ADGRL1: variants seen among roughly 807,000 people sequenced by gnomAD.
ADGRL1 encodes adhesion G protein-coupled receptor L1.
Under a neutral mutation model 148.9 loss-of-function variants are expected in ADGRL1, and 31 were observed. That is an observed-to-expected ratio of 0.21 (90% CI 0.16 to 0.28). ADGRL1 has a LOEUF of 0.28. Ranked by LOEUF, ADGRL1 falls within the 10% of genes least tolerant of loss-of-function variation. ADGRL1 has a pLI of 1.00. For synonymous variants in ADGRL1, 937 were observed against 900.3 expected (o/e 1.04, Z -0.73); for missense variants, 1,521 against 2,058.8 (o/e 0.74, Z 5.05).
In ADGRL1 at chr19:14,161,563, G is replaced by A. The variant is rs1201140786; in HGVS notation, c.1259C>T (p.Thr420Ile). Reference sequence around the variant, plus strand: ...CGGGGTGGTGGCTGCGGGCGAGGCTGTGCTGGTGAGGGGCGTGGGCCTGGC... The same window carrying A: ...CGGGGTGGTGGCTGCGGGCGAGGCTATGCTGGTGAGGGGCGTGGGCCTGGC... ...TTARPTPLTS[T>I]ASPAATTPLR... Residue 420 changes from threonine (T) to isoleucine (I), a missense_variant, in exon 6 of 23, where the codon ACA becomes ATA. Physicochemically the swap from Thr to Ile is moderately conservative, Grantham distance 89. Transcript: ENST00000361434. The surrounding 1 kb of genome is among the most constrained non-coding windows in gnomAD (Gnocchi z 4.4). 4 of 1,455,502 alleles carry A rather than the reference G, an allele frequency of 2.7e-6. No homozygotes were observed. The highest frequency in any genetic ancestry group is 2.8e-5 in the Admixed American group (1 of 36,316). The allele number at this position is 1,455,502 out of a possible 1,614,324, so 90.2% of individuals were successfully genotyped here. A position where few individuals can be genotyped will look rare whatever the true frequency, so the allele number is the denominator to read the frequency against.
chr19:14,151,694 G>A, intron 22 of ADGRL1, 79 bp from the exon 23 acceptor site: 2 of 1,356,152 alleles, frequency 1.5e-6, no homozygotes, highest in Non-Finnish European at 2.0e-6. Context: ...TGCGGTCCAT[G>A]TGGAGAAGTG....
rs200382429 is a variant in ADGRL1 at position 14,161,564 on chromosome 19, T to A, written c.1258A>T (p.Thr420Ser). The A allele has an allele frequency of 1.6e-4, 230 of 1,449,488 alleles. 2 individuals carry two copies. The East Asian group carries it at 4.5e-3, about 28-fold the overall frequency. 89.8% of individuals were successfully genotyped at this position (1,449,488 alleles called of 1,614,324 possible). The part of the protein sequence containing the change: ...TTARPTPLTS[T>S]ASPAATTPLR... ...GGGGTGGTGGCTGCGGGCGAGGCTG[T>A]GCTGGTGAGGGGCGTGGGCCTGGCT... The change falls in exon 6 of 23, where the codon ACA becomes TCA. Residue 420 changes from threonine to serine, a missense_variant. Thr to Ser is a moderately conservative substitution (Grantham distance 58). Around this residue, in one of 8 missense-constraint regions of ADGRL1, gnomAD observed 270 missense variants for 320.4 expected, o/e 0.84. Coordinates refer to ENST00000361434, the MANE Select transcript of ADGRL1 (RefSeq NM_014921.5). This position sits in a 1 kb window ranked among gnomAD's most constrained non-coding sequence, Gnocchi z 4.4.
In ADGRL1 at chr19:14,162,819, C is replaced by T. The variant is rs202048810; in HGVS notation, c.982G>A (p.Val328Met). Reference sequence around the variant, plus strand: ...CCAGCCGCCTCGCTGTCATCATCCACGTACACGGAACGCAGGACGTACAGG... The same window carrying T: ...CCAGCCGCCTCGCTGTCATCATCCATGTACACGGAACGCAGGACGTACAGG... ...GVLYVLRSVY[V>M]DDDSEAAGNR... is the part of the protein sequence containing the mutation. Residue 328 changes from valine (V) to methionine (M), a missense_variant, in exon 5 of 23, where the codon GTG becomes ATG. Physicochemically the swap from Val to Met is conservative, Grantham distance 21. Coordinates refer to ENST00000361434, the MANE Select transcript of ADGRL1 (RefSeq NM_014921.5). The surrounding 1 kb of genome is among the most constrained non-coding windows in gnomAD (Gnocchi z 5.4). The T allele has an allele frequency of 7.4e-6, 12 of 1,614,058 alleles. No homozygotes were observed. In the East Asian group the frequency reaches 2.5e-4, roughly 33 times the overall value.
intron 1 of ADGRL1, among the ~76,000 whole-genome samples, chr19:14,188,059 T>C (rs1363217016): frequency 6.6e-6 from 1 of 152,058 alleles, no homozygotes; most frequent in African/African-American, 2.4e-5. Context: ...ATCCTGCCAC[T>C]GCACTCCAGT....
At chr19:14,191,329 T>C (rs1209270760) in intron 1 of ADGRL1, 23 of 456,586 alleles carry the variant, frequency 5.0e-5, no homozygotes, top group Non-Finnish European at 9.7e-5. Context: ...TCCCTTGCCA[T>C]GCTGTGACCT....
At chr19:14,158,964 T>C in intron 11 of ADGRL1, 126 bp downstream of exon 11, 1 of 1,240,236 alleles carries the variant, frequency 8.1e-7, no homozygotes, top group Non-Finnish European at 1.1e-6. Context: ...TCCCCTCAAA[T>C]TTTACACTAG....
chr19:14,158,150 CAA>C (rs1968960745), intron 12 of ADGRL1, 98 bp from the exon 13 acceptor site: 2 of 1,361,622 alleles, frequency 1.5e-6, no homozygotes, highest in African/African-American at 2.9e-5. Flanking sequence ...TACCAAGTAT[CAA>C]AGAAGTGCCT....
rs1386561746 is a variant in ADGRL1, at chr19:14,151,391, G to T, written c.3892C>A (p.Pro1298Thr). The change falls in exon 23 of 23, where the codon CCT (proline) becomes ACT (threonine). Residue 1298 changes from proline to threonine, a missense_variant. Coordinates refer to ENST00000361434, the MANE Select transcript of ADGRL1 (RefSeq NM_014921.5). ...GGCACAGGGGGCTCAGGCGGTGGAG[G>T]GCCCTTGGCCGCGCTGCTGCTCCCC... ...LRGSSSAAKGPPPPEPPVPPV... is the reference protein window; with the variant it reads ...LRGSSSAAKGTPPPEPPVPPV... 7.5e-6 allele frequency: 12 copies of T among 1,606,602 alleles called. No individual in the cohort carries two copies. Among genetic ancestry groups the T allele is most frequent in the Non-Finnish European group, 1.0e-5 (12 of 1,177,212 alleles).
Position 14,155,452 on chromosome 19 carries a change from G to A in ADGRL1, c.3201C>T (p.Asn1067=). ...GATAGGCCATGACCACCGACTCCTT[G>A]TTGATGAAGAGGAGGCCGAAAGCCC... ...LTWAFGLLFI[N]KESVVMAYLF... The change falls in exon 18 of 23, where the codon AAC becomes AAT. Residue 1067 remains asparagine, a synonymous_variant. Transcript: ENST00000361434. This position sits in a 1 kb window ranked among gnomAD's most constrained non-coding sequence, Gnocchi z 5.0. 5.0e-6 allele frequency: 8 copies of A among 1,614,160 alleles called. No individual in the cohort carries two copies. Among genetic ancestry groups the A allele is most frequent in the South Asian group, 1.1e-5 (1 of 91,088 alleles).
rs557931813 is a variant in ADGRL1, at chr19:14,170,341, G to A, written c.394+341C>T. The A allele has an allele frequency of 1.8e-4, 35 of 195,650 alleles. 1 individual carries two copies. The South Asian group carries it at 2.8e-3, about 16-fold the overall frequency. 12.1% of individuals were successfully genotyped at this position (195,650 alleles called of 1,614,324 possible). A position where few individuals can be genotyped will look rare whatever the true frequency, so the allele number is the denominator to read the frequency against. ...AAAGCATAGAGGCCAAGGGAGAAGA[G>A]AGAGACGTAAGTGTGCCAGGCAGAG... On this transcript the variant is annotated intron_variant, in intron 4 of 22. Transcript: ENST00000361434.
rs1424985378 is a variant in ADGRL1 at position 14,163,294 on chromosome 19, G to A, written c.507C>T (p.Ile169=). ...CKDPLQAGDR[I]YVMPWIPYRT... is the part of the protein sequence containing the mutation. ...GGTAGGGGATCCAGGGCATCACGTAGATGCGGTCACCCGCCTGCAGCGGGT... is the reference window on the plus strand; with the variant it reads ...GGTAGGGGATCCAGGGCATCACGTAAATGCGGTCACCCGCCTGCAGCGGGT... The change falls in exon 5 of 23, where the codon ATC becomes ATT. Residue 169 remains isoleucine (I), a synonymous_variant. Transcript: ENST00000361434. 3 of 1,613,442 alleles carry A rather than the reference G, an allele frequency of 1.9e-6. No individual in the cohort carries two copies. Among genetic ancestry groups the A allele is most frequent in the South Asian group, 1.1e-5 (1 of 91,092 alleles).
chr19:14,153,092 C>A (rs1968379384), intron 18 of ADGRL1, among the ~76,000 whole-genome samples, 180 bp from the exon 19 acceptor site: 1 of 152,228 alleles, frequency 6.6e-6, no homozygotes, highest in Admixed American at 6.5e-5. Flanking sequence ...TGTCCCCCAA[C>A]AGCCAGCCGA....
chr19:14,163,465 GGAGAGAGAGAGA>G (rs71170599), intron 4 of ADGRL1, 59 bp from the exon 5 acceptor site: 153 of 702,300 alleles, frequency 2.2e-4, no homozygotes, highest in African/African-American at 9.3e-4. Context: ...GCGAGAGGGA[GGAGAGAGAGAGA>G]GAGAGAGAGA....
intron 4 of ADGRL1, 28 bp downstream of exon 4, chr19:14,170,654 C>T (rs1322703635): frequency 4.3e-6 from 6 of 1,393,258 alleles, no homozygotes; most frequent in South Asian, 3.5e-5. Context: ...GAAGGGCCCG[C>T]ATCCGCACAA....
chr19:14,162,658 G>A lies in ADGRL1; in HGVS notation c.1143C>T (p.Asn381=), dbSNP rs773225019. Residue 381 remains asparagine (N), a synonymous_variant, in exon 5 of 23, where the codon AAC becomes AAT. Coordinates refer to ENST00000361434, the MANE Select transcript of ADGRL1 (RefSeq NM_014921.5). This position sits in a 1 kb window ranked among gnomAD's most constrained non-coding sequence, Gnocchi z 5.4. The part of the protein sequence containing the change: ...PRDNQLYVWN[N]YFVVRYSLEF... ...CCAGGCTGTAGCGCACCACGAAATAGTTGTTCCAGACGTACAGCTGGTTGT... is the reference window on the plus strand; with the variant it reads ...CCAGGCTGTAGCGCACCACGAAATAATTGTTCCAGACGTACAGCTGGTTGT... 21 of 1,613,698 alleles carry A rather than the reference G, an allele frequency of 1.3e-5. No individual in the cohort carries two copies. The South Asian group carries it at 2.0e-4, about 15-fold the overall frequency.
Position 14,152,324 on chromosome 19 carries a change from CAG to C in ADGRL1, c.3632_3633del (p.Pro1211ArgfsTer34). ...ESVGFNPSSP[P>X]VFNSPGSYRE... ...GTGCTCTCACCTGGGGAGTTGAAGACAGGGGGCGAGGAGGGATTGAAGCCCAC... is the reference window on the plus strand; with the variant it reads ...GTGCTCTCACCTGGGGAGTTGAAGACGGGGCGAGGAGGGATTGAAGCCCAC... On this transcript the variant is annotated frameshift_variant, in exon 21 of 23. Transcript: ENST00000361434. LOFTEE classifies it high-confidence loss of function. This position sits in a 1 kb window ranked among gnomAD's most constrained non-coding sequence, Gnocchi z 6.1. 6.3e-7 allele frequency: 1 copy of C among 1,596,926 alleles called. No individual in the cohort carries two copies. The highest frequency in any genetic ancestry group is 8.5e-7 in the Non-Finnish European group (1 of 1,169,660).
chr19:14,184,348 GGTGAGAATTGTGTGCT>G (rs1237528365), intron 1 of ADGRL1, among the ~76,000 whole-genome samples: 1 of 151,986 alleles, frequency 6.6e-6, no homozygotes, highest in African/African-American at 2.4e-5. Context: ...ATGGGGGAGG[GGTGAGAATTGTGTGCT>G]GTCCCCTGCC....
In ADGRL1 at chr19:14,174,822, CA is replaced by C. The variant is rs539232085; in HGVS notation, c.284+2708del. Among the ~76,000 whole-genome samples the C allele has an allele frequency of 6.5e-3, 968 of 148,062 alleles. 18 individuals are homozygous for C. The highest frequency in any genetic ancestry group is 0.023 in the African/African-American group (929 of 40,086). ...AAGTGCTGGGATTACAGGCGTGAAA[CA>C]CTGCACCTGGTCTGTTTTTTTTTTT... On this transcript the variant is annotated intron_variant, in intron 3 of 22. Coordinates refer to ENST00000361434, the MANE Select transcript of ADGRL1 (RefSeq NM_014921.5).
chr19:14,174,938 C>T (rs1022538293), intron 3 of ADGRL1, among the ~76,000 whole-genome samples: 1 of 151,208 alleles, frequency 6.6e-6, no homozygotes, highest in Non-Finnish European at 1.5e-5. Flanking sequence ...AACTCCCGGG[C>T]CCAAGTGATC....
Sources: allele counts gnomAD v4.1 joint callset (sites outside exome capture counted in the v4.1 genomes callset), GRCh38; gene constraint gnomAD v4.1.1; regional missense constraint gnomAD v4.1.1; non-coding constraint Gnocchi (gnomAD v3.1); transcripts MANE v1.5; gene names NCBI Gene and HGNC (gene_info 2026-07-23, HGNC 2026-07-21).